Variants in BRIP1 observed in about 807,000 individuals in gnomAD.
The protein encoded by BRIP1 is BRCA1 interacting DNA helicase 1.
A neutral mutation model predicts 119.7 loss-of-function variants in BRIP1; 88 were observed. The observed-to-expected ratio is 0.74, with a 90% CI of 0.62 to 0.88. The LOEUF is 0.88. BRIP1 is among the 40% of genes least tolerant of loss of function. The pLI is 0.00. For missense variants in BRIP1, 1,259 were observed against 1,455.4 expected, an observed-to-expected ratio of 0.87 and a Z score of 2.20; for synonymous variants, 443 against 496.5, an observed-to-expected ratio of 0.89 and a Z score of 1.43.
In BRIP1 at chr17:61,823,553, A is replaced by C. The variant is rs2078357628; in HGVS notation, c.628-14796T>G. On this transcript the variant is annotated intron_variant, in intron 6 of 19. Transcript: ENST00000259008. The surrounding 1 kb of genome is among the most constrained non-coding windows in gnomAD (Gnocchi z 4.8). ...CAATAGAAGGTAGACAAAATGAAGCACAAAGAAGAAAAAATAGCTTAAAAA... is the reference window on the plus strand; with the variant it reads ...CAATAGAAGGTAGACAAAATGAAGCCCAAAGAAGAAAAAATAGCTTAAAAA... Among the ~76,000 whole-genome samples the C allele has an allele frequency of 6.6e-6, 1 of 152,232 alleles. No individual in the cohort carries two copies. The highest frequency in any genetic ancestry group is 2.1e-4 in the South Asian group (1 of 4,836).
chr17:61,731,979 T>TTA (rs2076851564), intron 16 of BRIP1, among the ~76,000 whole-genome samples: 1 of 132,042 alleles, frequency 7.6e-6, no homozygotes, highest in African/African-American at 3.4e-5. Context: ...CTTTCTTTCT[T>TTA]TCTTTTTTTT....
chr17:61,718,543 A>G (rs773200055), intron 16 of BRIP1, among the ~76,000 whole-genome samples: 1 of 152,234 alleles, frequency 6.6e-6, no homozygotes, highest in Non-Finnish European at 1.5e-5. Flanking sequence ...GGGGACGCCT[A>G]TGCAGATACC....
At chr17:61,854,702 CAA>C (rs60657866) in intron 4 of BRIP1, among the ~76,000 whole-genome samples, 9,620 of 82,196 alleles carry the variant, frequency 0.12, 1,053 homozygotes, top group African/African-American at 0.37. Flanking sequence ...GACTCCGTCT[CAA>C]AAAAAAAAAA....
At position 61,796,705 on chromosome 17, in the gene BRIP1, T is replaced by C. The variant is rs574998092; in HGVS notation, c.1340+2395A>G. ...AAAGACAGACTATCTATTTTACATG[T>C]TTAAAAAATGATTCTAGCTACCAAG... On this transcript the variant is annotated intron_variant, in intron 9 of 19. Coordinates refer to ENST00000259008, the MANE Select transcript of BRIP1 (RefSeq NM_032043.3). The surrounding 1 kb of genome is among the most constrained non-coding windows in gnomAD (Gnocchi z 4.8). Among the ~76,000 whole-genome samples, 192 of 152,164 alleles carry C rather than the reference T, an allele frequency of 1.3e-3. No individual in the cohort carries two copies. Among genetic ancestry groups the C allele is most frequent in the African/African-American group, 4.4e-3 (183 of 41,544 alleles).
chr17:61,726,103 G>A lies in BRIP1; in HGVS notation c.2380-10040C>T, dbSNP rs756350181. On this transcript the variant is annotated intron_variant, in intron 16 of 19. Transcript: ENST00000259008. The surrounding 1 kb of genome is among the most constrained non-coding windows in gnomAD (Gnocchi z 6.2). ...TAATGGAAAAAAAGAAAAAGCACAC[G>A]GCTTGGAATCAAGGCCTTGAGACTT... Among the ~76,000 whole-genome samples, 3 of 152,164 alleles carry A rather than the reference G, an allele frequency of 2.0e-5. No individual in the cohort carries two copies. The highest frequency in any genetic ancestry group is 4.4e-5 in the Non-Finnish European group (3 of 68,038).
intron 3 of BRIP1, among the ~76,000 whole-genome samples, chr17:61,858,205 AT>A (rs1238697184): frequency 6.6e-6 from 1 of 152,174 alleles, no homozygotes; most frequent in East Asian, 1.9e-4. Context: ...ATTTTTAAAA[AT>A]AATCAGTATT....
chr17:61,716,456 G>A (rs2061864868), intron 16 of BRIP1, among the ~76,000 whole-genome samples: 1 of 151,718 alleles, frequency 6.6e-6, no homozygotes, highest in African/African-American at 2.4e-5. Flanking sequence ...TGCTGGCCCT[G>A]GCAACCACTG....
rs786202218 is a variant in BRIP1, at chr17:61,801,287, T to G, written c.1106A>C (p.Tyr369Ser). Residue 369 changes from tyrosine to serine, a missense_variant, in exon 8 of 20, where the codon TAC becomes TCC. Tyr to Ser is a moderately radical substitution (Grantham distance 144). Transcript: ENST00000259008. The part of the protein sequence containing the change: ...IQDADIIFCP[Y>S]NYLLDAQIRE... ...TATTTGTGCATCTAGAAGATAGTTG[T>G]AGGGACAAAATATGATGTCAGCATC... 1 of 1,614,022 alleles carries G rather than the reference T, an allele frequency of 6.2e-7. No homozygotes were observed. Among genetic ancestry groups the G allele is most frequent in the Non-Finnish European group, 8.5e-7 (1 of 1,179,890 alleles).
In BRIP1 at chr17:61,803,538, C is replaced by A. The variant is rs1447317839; in HGVS notation, c.919-2064G>T. Among the ~76,000 whole-genome samples the A allele has an allele frequency of 6.6e-6, 1 of 151,222 alleles. No homozygotes were observed. The highest frequency in any genetic ancestry group is 1.5e-5 in the Non-Finnish European group (1 of 67,828). Reference sequence around the variant, plus strand: ...GCAGCACAGGGAGACTCAATCTCTACAAAAAAACAAAAAAAATTAAACCGC... The same window carrying A: ...GCAGCACAGGGAGACTCAATCTCTAAAAAAAAACAAAAAAAATTAAACCGC... On this transcript the variant is annotated intron_variant, in intron 7 of 19. Coordinates refer to ENST00000259008, the MANE Select transcript of BRIP1 (RefSeq NM_032043.3). This position sits in a 1 kb window ranked among gnomAD's most constrained non-coding sequence, Gnocchi z 4.3.
At chr17:61,847,338 T>G (rs1293238724) in intron 5 of BRIP1, 118 bp from the exon 6 acceptor site, 1 of 1,101,698 alleles carries the variant, frequency 9.1e-7, no homozygotes, top group East Asian at 2.4e-5. Flanking sequence ...AAAGACTATT[T>G]CTAACAGGCA....
rs771724154 is a variant in BRIP1 at position 61,756,228 on chromosome 17, G to T, written c.2098-11637C>A. On this transcript the variant is annotated intron_variant, in intron 14 of 19. Coordinates refer to ENST00000259008, the MANE Select transcript of BRIP1 (RefSeq NM_032043.3). This position sits in a 1 kb window ranked among gnomAD's most constrained non-coding sequence, Gnocchi z 4.3. The stretch of plus-strand genomic sequence containing the variant: ...ACATTTAGACAGCTTAACTATTTCT[G>T]TCTTGCCAGAGAAATCACATAAATA... 6.6e-5 allele frequency among the ~76,000 whole-genome samples: 10 copies of T among 152,100 alleles called. No individual in the cohort carries two copies. Among genetic ancestry groups the T allele is most frequent in the South Asian group, 4.1e-4 (2 of 4,832 alleles).
intron 16 of BRIP1, among the ~76,000 whole-genome samples, chr17:61,737,303 G>A (rs1006761179): frequency 1.3e-5 from 2 of 152,096 alleles, no homozygotes; most frequent in African/African-American, 4.8e-5. Flanking sequence ...TTAAAAACCT[G>A]ATCCAACTAT....
At position 61,825,982 on chromosome 17, in the gene BRIP1, G is replaced by A. The variant is rs903488497; in HGVS notation, c.628-17225C>T. Reference sequence around the variant, plus strand: ...CAAAAAGAACAAAGCTGGAGGCATCGCACTACCCAACTTCAAACTATACTA... The same window carrying A: ...CAAAAAGAACAAAGCTGGAGGCATCACACTACCCAACTTCAAACTATACTA... On this transcript the variant is annotated intron_variant, in intron 6 of 19. Transcript: ENST00000259008. This position sits in a 1 kb window ranked among gnomAD's most constrained non-coding sequence, Gnocchi z 4.1. 2.0e-5 allele frequency among the ~76,000 whole-genome samples: 3 copies of A among 152,104 alleles called. No homozygotes were observed. The highest frequency in any genetic ancestry group is 2.1e-4 in the South Asian group (1 of 4,818).
rs1163569017 is a variant in BRIP1 at position 61,853,447 on chromosome 17, G to A, written c.379+3611C>T. On this transcript the variant is annotated intron_variant, in intron 4 of 19. Transcript: ENST00000259008. This position sits in a 1 kb window ranked among gnomAD's most constrained non-coding sequence, Gnocchi z 4.3. ...GAAAATTCATCAAGTTATATACTTA[G>A]GATTTGCATTTTTCTATATTTAGGT... Among the ~76,000 whole-genome samples the A allele has an allele frequency of 6.6e-6, 1 of 151,876 alleles. No homozygotes were observed.
At position 61,805,000 on chromosome 17, in the gene BRIP1, G is replaced by A. The variant is rs1239848467; in HGVS notation, c.918+3467C>T. Among the ~76,000 whole-genome samples the A allele has an allele frequency of 8.0e-6, 1 of 125,532 alleles. No homozygotes were observed. Among genetic ancestry groups the A allele is most frequent in the South Asian group, 2.5e-4 (1 of 3,988 alleles). The allele number at this position is 125,532 out of a possible 152,430, so 82.4% of individuals were successfully genotyped here. On this transcript the variant is annotated intron_variant, in intron 7 of 19. Coordinates refer to ENST00000259008, the MANE Select transcript of BRIP1 (RefSeq NM_032043.3). This position sits in a 1 kb window ranked among gnomAD's most constrained non-coding sequence, Gnocchi z 4.5. ...TGTGTGTGTGTGTGTGTGTGTGTGT[G>A]TAAAATTAAATTGTATTTGTATACG... is the stretch of plus-strand genomic sequence containing the variant.
chr17:61,693,553 GAAAT>G lies in BRIP1; in HGVS notation c.2493-45_2493-42del, dbSNP rs764156610. The G allele has an allele frequency of 1.2e-5, 19 of 1,521,740 alleles. No homozygotes were observed. The South Asian group carries it at 1.8e-4, about 14-fold the overall frequency. The allele number at this position is 1,521,740 out of a possible 1,614,324, so 94.3% of individuals were successfully genotyped here. A position where few individuals can be genotyped will look rare whatever the true frequency, so the allele number is the denominator to read the frequency against. On this transcript the variant is annotated intron_variant, in intron 17 of 19. Coordinates refer to ENST00000259008, the MANE Select transcript of BRIP1 (RefSeq NM_032043.3). This position sits in a 1 kb window ranked among gnomAD's most constrained non-coding sequence, Gnocchi z 4.2. ...AAAAAGTCAAATAATTATAACATCG[GAAAT>G]AAATCCAGTTTTCCAGTGGGACAGA...
In BRIP1 at chr17:61,701,523, T is replaced by C. The variant is rs1178196912; in HGVS notation, c.2493-8011A>G. Among the ~76,000 whole-genome samples, 1 of 152,222 alleles carries C rather than the reference T, an allele frequency of 6.6e-6. No individual in the cohort carries two copies. The highest frequency in any genetic ancestry group is 2.4e-5 in the African/African-American group (1 of 41,468). ...GTAATAACTCTGATCTTGTTTTCAC[T>C]TCCTGCTTCAGCAGAGCACCAAGGT... On this transcript the variant is annotated intron_variant, in intron 17 of 19. Transcript: ENST00000259008. The surrounding 1 kb of genome is among the most constrained non-coding windows in gnomAD (Gnocchi z 5.1).
rs2078230195 is a variant in BRIP1 at position 61,815,971 on chromosome 17, C to A, written c.628-7214G>T. Among the ~76,000 whole-genome samples the A allele has an allele frequency of 6.6e-6, 1 of 152,156 alleles. No homozygotes were observed. Among genetic ancestry groups the A allele is most frequent in the African/African-American group, 2.4e-5 (1 of 41,444 alleles). ...ATTAGCACACACTCTAGTAAGATAG[C>A]AAAAGTAACATAACTATACCTTTTC... is the stretch of plus-strand genomic sequence containing the variant. On this transcript the variant is annotated intron_variant, in intron 6 of 19. Transcript: ENST00000259008. This position sits in a 1 kb window ranked among gnomAD's most constrained non-coding sequence, Gnocchi z 4.1.
At position 61,793,714 on chromosome 17, in the gene BRIP1, G is replaced by T; in HGVS notation, c.1356C>A (p.Asn452Lys). The stretch of plus-strand genomic sequence containing the variant: ...AATCTCTTTCTACAAGATATTCAGC[G>T]TTTGCTTCTAACCAACTGAAATAAA... ...CCSLINWLEA[N>K]AEYLVERDYE... The change falls in exon 10 of 20, where the codon AAC becomes AAA. Residue 452 changes from asparagine (N) to lysine (K), a missense_variant. By Grantham distance (94) the Asn-to-Lys change is moderately conservative. Around this residue, in one of 3 missense-constraint regions of BRIP1, gnomAD observed 501 missense variants for 544.0 expected, o/e 0.92. Coordinates refer to ENST00000259008, the MANE Select transcript of BRIP1 (RefSeq NM_032043.3). The surrounding 1 kb of genome is among the most constrained non-coding windows in gnomAD (Gnocchi z 5.2). 1 of 1,610,094 alleles carries T rather than the reference G, an allele frequency of 6.2e-7. No homozygotes were observed. Among genetic ancestry groups the T allele is most frequent in the Non-Finnish European group, 8.5e-7 (1 of 1,178,484 alleles).
Sources: allele counts gnomAD v4.1 joint callset (sites outside exome capture counted in the v4.1 genomes callset), GRCh38; gene constraint gnomAD v4.1.1; regional missense constraint gnomAD v4.1.1; non-coding constraint Gnocchi (gnomAD v3.1); transcripts MANE v1.5; gene names NCBI Gene and HGNC (gene_info 2026-07-23, HGNC 2026-07-21).